The following KIF16B variants were observed in gnomAD, a reference collection of about 807,000 sequenced individuals.
KIF16B encodes the protein kinesin-like protein KIF16B.
KIF16B carries 98 observed loss-of-function variants against 156.3 expected under a neutral mutation model. That is an observed-to-expected ratio of 0.63 (90% CI 0.53 to 0.74). The LOEUF (loss-of-function observed/expected upper bound fraction) is 0.74. Ranked by LOEUF, KIF16B falls within the 30% of genes least tolerant of loss-of-function variation. The pLI is 0.00. For missense variants in KIF16B, 1,421 were observed against 1,606.5 expected (o/e 0.88, Z 1.97); for synonymous variants, 564 against 583.7 (o/e 0.97, Z 0.49).
At chr20:16,550,292 T>A (rs1217551854) in intron 1 of KIF16B, among the ~76,000 whole-genome samples, 16 of 150,786 alleles carry the variant, frequency 1.1e-4, no homozygotes, top group African/African-American at 3.9e-4. Flanking sequence ...TCAAAACCAC[T>A]ATGAGATACC....
intron 12 of KIF16B, among the ~76,000 whole-genome samples, chr20:16,457,629 T>C (rs1046974913): frequency 7.2e-5 from 11 of 152,174 alleles, no homozygotes; most frequent in African/African-American, 2.7e-4. Context: ...ATATGCTGCC[T>C]AGCCTTGTCT....
intron 17 of KIF16B, among the ~76,000 whole-genome samples, chr20:16,392,908 T>C (rs1233098297): frequency 1.3e-5 from 2 of 152,098 alleles, no homozygotes; most frequent in African/African-American, 4.8e-5. Context: ...AAGATTTATA[T>C]AAAGATTAAT....
intron 24 of KIF16B, among the ~76,000 whole-genome samples, chr20:16,334,190 T>C (rs984235821): frequency 2.0e-5 from 3 of 152,204 alleles, no homozygotes; most frequent in Non-Finnish European, 4.4e-5. Context: ...TTCATGGAAA[T>C]TGCTTTTGCT....
chr20:16,284,814 T>C (rs536092990), intron 25 of KIF16B, among the ~76,000 whole-genome samples: 2 of 152,276 alleles, frequency 1.3e-5, no homozygotes, highest in Non-Finnish European at 2.9e-5. Flanking sequence ...GCACAGTAGA[T>C]GCCACCTGGC....
chr20:16,540,197 A>G (rs2070139533), intron 1 of KIF16B, among the ~76,000 whole-genome samples: 1 of 152,228 alleles, frequency 6.6e-6, no homozygotes, highest in Admixed American at 6.5e-5. Flanking sequence ...AAATAGATTA[A>G]TAAAGCCAAA....
At chr20:16,406,331 C>T in intron 16 of KIF16B, 43 bp downstream of exon 16, 1 of 1,531,384 alleles carries the variant, frequency 6.5e-7, no homozygotes. Flanking sequence ...CTCATCCTCA[C>T]ATACGATCAG....
chr20:16,539,032 T>G (rs927130922), intron 1 of KIF16B, among the ~76,000 whole-genome samples: 7 of 152,040 alleles, frequency 4.6e-5, no homozygotes, highest in Admixed American at 6.5e-5. Flanking sequence ...GCTTCCTGTA[T>G]AGCCATCAGT....
chr20:16,390,631 G>A (rs1248089685), intron 17 of KIF16B, among the ~76,000 whole-genome samples: 2 of 152,106 alleles, frequency 1.3e-5, no homozygotes, highest in African/African-American at 4.8e-5. Flanking sequence ...TTCTACCCAG[G>A]CTGGAATTCT....
chr20:16,521,083 A>C (rs2069332453), intron 3 of KIF16B, among the ~76,000 whole-genome samples: 1 of 152,144 alleles, frequency 6.6e-6, no homozygotes, highest in African/African-American at 2.4e-5. Context: ...AAAAGGCTGA[A>C]AATTCCAAAA....
intron 22 of KIF16B, chr20:16,367,918 A>G: frequency 6.8e-7 from 1 of 1,469,376 alleles, no homozygotes; most frequent in South Asian, 1.4e-5. Context: ...ACCAAAGCCA[A>G]TCTGAATCTC....
intron 1 of KIF16B, among the ~76,000 whole-genome samples, chr20:16,540,352 T>C (rs1390009143): frequency 1.3e-5 from 2 of 151,980 alleles, no homozygotes; most frequent in African/African-American, 2.4e-5. Context: ...CATTTCACTG[T>C]TGGAATTCAT....
At chr20:16,563,863 G>C (rs534740500) in intron 1 of KIF16B, among the ~76,000 whole-genome samples, 4 of 152,120 alleles carry the variant, frequency 2.6e-5, no homozygotes, top group Non-Finnish European at 5.9e-5. Context: ...AAAAATACCA[G>C]ACATTTGCAT....
At chr20:16,410,231 A>G (rs2065915081) in intron 15 of KIF16B, among the ~76,000 whole-genome samples, 1 of 145,898 alleles carries the variant, frequency 6.9e-6, no homozygotes, top group Non-Finnish European at 1.5e-5. Flanking sequence ...GTACATATAC[A>G]TATATGTAGG....
chr20:16,476,127 C>T (rs1315873400), intron 12 of KIF16B, among the ~76,000 whole-genome samples: 2 of 152,194 alleles, frequency 1.3e-5, no homozygotes, highest in African/African-American at 2.4e-5. Flanking sequence ...TACAAACAGG[C>T]AGAGCGTGTT....
At position 16,524,560 on chromosome 20, in the gene KIF16B, G is replaced by A. The variant is rs541517795; in HGVS notation, c.231+1532C>T. On this transcript the variant is annotated intron_variant, in intron 3 of 25. Transcript: ENST00000354981. ...AGAGAGGATGTGGAGAAATAGGAAC[G>A]CTTTTACACTGTTAGTGGGAGTGTA... 5.3e-5 allele frequency among the ~76,000 whole-genome samples: 8 copies of A among 152,228 alleles called. No homozygotes were observed. In the South Asian group the frequency reaches 6.2e-4, roughly 12 times the overall value.
intron 15 of KIF16B, among the ~76,000 whole-genome samples, chr20:16,410,051 G>C (rs2065897188): frequency 9.6e-5 from 6 of 62,584 alleles, no homozygotes; most frequent in African/African-American, 3.9e-4. Context: ...ATATATGTTG[G>C]TACATATATA....
At chr20:16,445,543 T>TAGAATTC in intron 12 of KIF16B, among the ~76,000 whole-genome samples, 1 of 151,372 alleles carries the variant, frequency 6.6e-6, no homozygotes, top group African/African-American at 2.4e-5. Flanking sequence ...ACAAATGGCC[T>TAGAATTC]AGAATTCTAA....
intron 1 of KIF16B, among the ~76,000 whole-genome samples, chr20:16,538,917 G>A (rs1176978956): frequency 2.0e-5 from 3 of 151,826 alleles, no homozygotes; most frequent in Admixed American, 6.6e-5. Flanking sequence ...ACCTCCGCTC[G>A]CCGCACTCTT....
intron 24 of KIF16B, among the ~76,000 whole-genome samples, chr20:16,322,375 T>C (rs2063785030): frequency 1.3e-5 from 2 of 152,002 alleles, no homozygotes; most frequent in African/African-American, 4.8e-5. Flanking sequence ...GAAAAATAGA[T>C]CTATATGAAG....
Sources: gnomAD v4.1 joint callset for allele counts (sites outside exome capture counted in the v4.1 genomes callset) on GRCh38, gnomAD v4.1.1 for gene constraint, MANE v1.5 for transcripts, NCBI Gene and HGNC (gene_info 2026-07-23, HGNC 2026-07-21) for gene names.